The following MERTK variants were observed in gnomAD, a reference collection of about 807,000 sequenced individuals.
The protein encoded by MERTK is MER proto-oncogene, tyrosine kinase, also known as tyrosine-protein kinase Mer.
In MERTK, 69 loss-of-function variants were observed where a neutral mutation model predicts 99.3. The observed-to-expected ratio is 0.70, with a 90% confidence interval of 0.57 to 0.85. The LOEUF (loss-of-function observed/expected upper bound fraction) is 0.85, where lower values mean the gene tolerates loss of function less well. Ranked by LOEUF, MERTK falls within the 40% of genes least tolerant of loss-of-function variation. MERTK has a pLI of 0.00. For missense variants in MERTK, 1,125 were observed against 1,249.4 expected, an observed-to-expected ratio of 0.90 and a Z score of 1.50; for synonymous variants, 426 against 467.6, an observed-to-expected ratio of 0.91 and a Z score of 1.15.
intron 1 of MERTK, among the ~76,000 whole-genome samples, chr2:111,901,367 AC>A (rs1247822669): frequency 2.4e-4 from 36 of 152,302 alleles, no homozygotes; most frequent in African/African-American, 7.5e-4. Flanking sequence ...TGATATTGTA[AC>A]ATGTATTCCA....
intron 4 of MERTK, among the ~76,000 whole-genome samples, chr2:111,950,192 T>A (rs1685030812): frequency 1.3e-5 from 2 of 152,148 alleles, no homozygotes; most frequent in South Asian, 2.1e-4. Flanking sequence ...CGCCTCCACC[T>A]CCTAAATTGC....
intron 10 of MERTK, among the ~76,000 whole-genome samples, chr2:111,998,938 G>A (rs543908355): frequency 2.6e-5 from 4 of 152,224 alleles, no homozygotes; most frequent in Admixed American, 6.5e-5. Flanking sequence ...TGTTCCTTTT[G>A]TAAAACCACT....
At chr2:111,987,818 G>T (rs912772180) in intron 8 of MERTK, among the ~76,000 whole-genome samples, 1 of 152,090 alleles carries the variant, frequency 6.6e-6, no homozygotes, top group South Asian at 2.1e-4. Context: ...ACCCAGAATC[G>T]TCTAAATGTT....
intron 8 of MERTK, among the ~76,000 whole-genome samples, chr2:111,985,764 C>T (rs964584771): frequency 4.6e-5 from 7 of 152,022 alleles, no homozygotes; most frequent in Admixed American, 1.3e-4. Context: ...GGGAAAACCC[C>T]GCCCCCATGA....
chr2:111,945,610 C>G (rs1377894563), intron 3 of MERTK, among the ~76,000 whole-genome samples: 1 of 152,154 alleles, frequency 6.6e-6, no homozygotes. Context: ...TATGAAGGTC[C>G]ATGGGGATGA....
chr2:112,001,652 C>T (rs867585159), intron 11 of MERTK, among the ~76,000 whole-genome samples: 5 of 152,178 alleles, frequency 3.3e-5, no homozygotes, highest in African/African-American at 7.2e-5. Flanking sequence ...CAACCAACTC[C>T]GAGGATGATT....
At chr2:111,982,813 T>C (rs1676398854) in intron 7 of MERTK, 29 bp from the exon 8 acceptor site, 3 of 1,612,594 alleles carry the variant, frequency 1.9e-6, no homozygotes, top group Non-Finnish European at 2.5e-6. Flanking sequence ...TTGTGGTTCT[T>C]CATTCTTCTC....
At chr2:112,021,759 A>C (rs1558810968) in intron 17 of MERTK, among the ~76,000 whole-genome samples, 178 bp downstream of exon 17, 1 of 152,222 alleles carries the variant, frequency 6.6e-6, no homozygotes, top group Non-Finnish European at 1.5e-5. Context: ...GGAACAGTAG[A>C]TTCTGATGAA....
chr2:111,970,680 C>G (rs1257720114), intron 6 of MERTK, among the ~76,000 whole-genome samples: 1 of 150,058 alleles, frequency 6.7e-6, no homozygotes, highest in Non-Finnish European at 1.5e-5. Context: ...CCTCCTTCTC[C>G]TCCTCCTCCC....
At chr2:112,013,891 G>A (rs553626771) in intron 15 of MERTK, among the ~76,000 whole-genome samples, 8 of 152,084 alleles carry the variant, frequency 5.3e-5, no homozygotes, top group Non-Finnish European at 1.2e-4. Context: ...TTTCACTCTT[G>A]TTGTCCAGGC....
intron 1 of MERTK, among the ~76,000 whole-genome samples, chr2:111,914,453 A>G (rs1243704015): frequency 6.6e-6 from 1 of 151,796 alleles, no homozygotes; most frequent in Non-Finnish European, 1.5e-5. Context: ...TAATTTTTGT[A>G]TTTTTAGTAG....
At chr2:111,937,171 A>G (rs1272882574) in intron 2 of MERTK, among the ~76,000 whole-genome samples, 1 of 152,088 alleles carries the variant, frequency 6.6e-6, no homozygotes, top group Non-Finnish European at 1.5e-5. Context: ...GGGGCCAGGC[A>G]TGGTGGCTTA....
In MERTK at chr2:112,019,471, A is replaced by G; in HGVS notation, c.2138A>G (p.Tyr713Cys). The stretch of plus-strand genomic sequence containing the variant: ...GTGGATATTGCCCTGGGAATGGAGT[A>G]TCTGAGCAACAGGAATTTTCTTCAT... ...FMVDIALGMEYLSNRNFLHRD... is the reference protein window; with the variant it reads ...FMVDIALGMECLSNRNFLHRD... Residue 713 changes from tyrosine to cysteine, a missense_variant, in exon 16 of 19, where the codon TAT becomes TGT. Coordinates refer to ENST00000295408, the MANE Select transcript of MERTK (RefSeq NM_006343.3). 1.2e-6 allele frequency: 2 copies of G among 1,614,052 alleles called. No homozygotes were observed. The highest frequency in any genetic ancestry group is 1.7e-6 in the Non-Finnish European group (2 of 1,179,916).
intron 4 of MERTK, among the ~76,000 whole-genome samples, chr2:111,961,125 T>C (rs1685241356): frequency 6.6e-6 from 1 of 151,224 alleles, no homozygotes; most frequent in African/African-American, 2.4e-5. Context: ...CTACCAGGAG[T>C]TTTTGTTTCT....
intron 15 of MERTK, 69 bp from the exon 16 acceptor site, chr2:112,019,344 C>T (rs763462252): frequency 2.7e-5 from 31 of 1,135,130 alleles, no homozygotes; most frequent in Admixed American, 2.2e-4. Flanking sequence ...TTTCCCCCCC[C>T]GGCAGAAACT....
rs895132226 is a variant in MERTK at position 111,941,038 on chromosome 2, C to T, written c.483-3922C>T. 5.8e-6 allele frequency: 3 copies of T among 515,450 alleles called. No homozygotes were observed. The African/African-American group carries it at 5.8e-5, about 10-fold the overall frequency. The allele number at this position is 515,450 out of a possible 1,614,324, so 31.9% of individuals were successfully genotyped here. A position where few individuals can be genotyped will look rare whatever the true frequency, so the allele number is the denominator to read the frequency against. ...AGCCGTCAGCTTTCATTGGAACATGCTCCCCGCTTCTCACTCTCTTTGGCT... is the reference window on the plus strand; with the variant it reads ...AGCCGTCAGCTTTCATTGGAACATGTTCCCCGCTTCTCACTCTCTTTGGCT... On this transcript the variant is annotated intron_variant, in intron 2 of 18. Transcript: ENST00000295408.
chr2:111,977,464 G>A (rs1676276139), intron 7 of MERTK, among the ~76,000 whole-genome samples: 1 of 152,074 alleles, frequency 6.6e-6, no homozygotes, highest in Admixed American at 6.5e-5. Context: ...TATGTAATGT[G>A]TCTTTTGTTC....
intron 15 of MERTK, 149 bp downstream of exon 15, chr2:112,010,215 T>C: frequency 1.4e-6 from 1 of 717,162 alleles, no homozygotes; most frequent in Non-Finnish European, 2.6e-6. Flanking sequence ...AGGGTTGAAA[T>C]GTGGGGTCTA....
intron 2 of MERTK, chr2:111,940,902 T>C: frequency 1.4e-6 from 1 of 698,014 alleles, no homozygotes; most frequent in South Asian, 1.4e-5. Flanking sequence ...TTAAATTACC[T>C]CTGTCTTCAG....
Sources: gnomAD v4.1 joint callset for allele counts (sites outside exome capture counted in the v4.1 genomes callset) on GRCh38, gnomAD v4.1.1 for gene constraint, MANE v1.5 for transcripts, NCBI Gene and HGNC (gene_info 2026-07-23, HGNC 2026-07-21) for gene names.